FAM168A: variants seen among roughly 807,000 people sequenced by gnomAD.
FAM168A encodes protein FAM168A.
FAM168A carries 3 observed loss-of-function variants against 28.5 expected under a neutral mutation model. That is an observed-to-expected ratio of 0.11 (90% CI 0.05 to 0.27). FAM168A has a LOEUF of 0.27. Ranked by LOEUF, FAM168A falls within the 10% of genes least tolerant of loss-of-function variation. FAM168A has a pLI of 1.00. For missense variants in FAM168A, 222 were observed against 311.5 expected, an observed-to-expected ratio of 0.71 and a Z score of 2.16; for synonymous variants, 122 against 124.2, an observed-to-expected ratio of 0.98 and a Z score of 0.12.
intron 1 of FAM168A, 147 bp from the exon 2 acceptor site, chr11:73,468,639 G>A (rs554175887): frequency 6.4e-6 from 4 of 622,594 alleles, no homozygotes; most frequent in African/African-American, 1.8e-5. Flanking sequence ...CAATTTGCTT[G>A]TAGTTGGCCC....
chr11:73,430,430 G>A (rs1204719268), intron 3 of FAM168A: 2 of 411,434 alleles, frequency 4.9e-6, no homozygotes, highest in Non-Finnish European at 4.5e-6. Flanking sequence ...TCTATGAGGA[G>A]GATGCAGGTC....
At chr11:73,499,760 G>C (rs1198745681) in intron 1 of FAM168A, among the ~76,000 whole-genome samples, 1 of 151,810 alleles carries the variant, frequency 6.6e-6, no homozygotes, top group African/African-American at 2.4e-5. Flanking sequence ...TCAGCCAAGC[G>C]GAAGAAAGGT....
At chr11:73,436,431 C>T (rs1867086929) in intron 2 of FAM168A, among the ~76,000 whole-genome samples, 1 of 151,960 alleles carries the variant, frequency 6.6e-6, no homozygotes. Flanking sequence ...AATACTTAGG[C>T]AATGAAGACA....
chr11:73,573,297 C>T (rs185679050), intron 1 of FAM168A, among the ~76,000 whole-genome samples: 100 of 152,284 alleles, frequency 6.6e-4, no homozygotes, highest in African/African-American at 2.4e-3. Flanking sequence ...ACGGAAGCTA[C>T]AGTTGTTACC....
chr11:73,430,277 GGTGTGTGT>G (rs35239246), intron 3 of FAM168A: 49 of 175,052 alleles, frequency 2.8e-4, no homozygotes, highest in African/African-American at 1.1e-3. Context: ...TGTGTCCCAA[GGTGTGTGT>G]GTGTGTGTGT....
chr11:73,469,353 A>G (rs2134577611), intron 1 of FAM168A, among the ~76,000 whole-genome samples: 1 of 152,314 alleles, frequency 6.6e-6, no homozygotes, highest in East Asian at 1.9e-4. Context: ...TTATTTACAC[A>G]TCATAAAAAT....
intron 3 of FAM168A, 99 bp downstream of exon 3, chr11:73,430,591 C>T: frequency 9.0e-7 from 1 of 1,110,946 alleles, no homozygotes; most frequent in Non-Finnish European, 1.4e-6. Context: ...GCGCCCGGAG[C>T]AATTAAGAAC....
intron 1 of FAM168A, among the ~76,000 whole-genome samples, chr11:73,558,873 T>C (rs1943920878): frequency 6.6e-6 from 1 of 152,222 alleles, no homozygotes; most frequent in Non-Finnish European, 1.5e-5. Flanking sequence ...GTGCAGCCAT[T>C]ATGGAAAAGT....
Position 73,430,619 on chromosome 11 carries a change from TG to T in FAM168A, c.151+70del. The T allele has an allele frequency of 2.2e-6, 3 of 1,386,062 alleles. No individual in the cohort carries two copies. In the South Asian group the frequency reaches 3.5e-5, roughly 16 times the overall value. 85.9% of individuals were successfully genotyped at this position (1,386,062 alleles called of 1,614,324 possible). A position where few individuals can be genotyped will look rare whatever the true frequency, so the allele number is the denominator to read the frequency against. On this transcript the variant is annotated intron_variant, in intron 3 of 7. Transcript: ENST00000356467. ...TTAAGAACAGGAAAAGGCCAGCAAGTGGTTTTGCTTTTCCCAAATAGAGTCC... is the reference window on the plus strand; with the variant it reads ...TTAAGAACAGGAAAAGGCCAGCAAGTGTTTTGCTTTTCCCAAATAGAGTCC...
chr11:73,403,091 A>G lies in FAM168A; in HGVS notation c.*3672T>C, dbSNP rs891990154. 1 of 152,188 alleles carries G rather than the reference A, an allele frequency of 6.6e-6. No individual in the cohort carries two copies. Among genetic ancestry groups the G allele is most frequent in the Admixed American group, 6.5e-5 (1 of 15,282 alleles). 9.4% of individuals were successfully genotyped at this position (152,188 alleles called of 1,614,324 possible). A position where few individuals can be genotyped will look rare whatever the true frequency, so the allele number is the denominator to read the frequency against. On this transcript the variant is annotated 3_prime_UTR_variant, in exon 8 of 8. Transcript: ENST00000356467. ...TATAAAATGGAGGACTTTGGCAACC[A>G]ATGTCAAAGTACTTTGCATACCAAA...
intron 1 of FAM168A, among the ~76,000 whole-genome samples, chr11:73,587,664 A>G (rs1944331537): frequency 6.6e-6 from 1 of 152,214 alleles, no homozygotes; most frequent in African/African-American, 2.4e-5. Context: ...TCTCAAAAAA[A>G]AGTATTAATT....
At chr11:73,584,078 G>GCTT (rs1487017211) in intron 1 of FAM168A, among the ~76,000 whole-genome samples, 1 of 152,108 alleles carries the variant, frequency 6.6e-6, no homozygotes, top group East Asian at 1.9e-4. Flanking sequence ...ACACTCCTTT[G>GCTT]CTTCTGGGGC....
chr11:73,448,550 T>C (rs1044262222), intron 2 of FAM168A, among the ~76,000 whole-genome samples: 3 of 152,214 alleles, frequency 2.0e-5, no homozygotes, highest in Non-Finnish European at 4.4e-5. Context: ...CCTTACCAAA[T>C]GCTTTCACTA....
rs922465173 is a variant in FAM168A, at chr11:73,401,020, G to C, written c.*5743C>G. 1.3e-5 allele frequency: 2 copies of C among 151,756 alleles called. No homozygotes were observed. The highest frequency in any genetic ancestry group is 4.8e-5 in the African/African-American group (2 of 41,430). The allele number at this position is 151,756 out of a possible 1,614,324, so 9.4% of individuals were successfully genotyped here. On this transcript the variant is annotated 3_prime_UTR_variant, in exon 8 of 8. Coordinates refer to ENST00000356467, the MANE Select transcript of FAM168A (RefSeq NM_015159.3). ...CTTTCCAATCTTTACACTCCGGACT[G>C]TGTTTTGAAAACACCTATAAATTCT...
chr11:73,543,980 A>C (rs1243497776), intron 1 of FAM168A, among the ~76,000 whole-genome samples: 2 of 152,118 alleles, frequency 1.3e-5, no homozygotes, highest in African/African-American at 4.8e-5. Flanking sequence ...AAAATAAACA[A>C]AATTAGCTGG....
intron 1 of FAM168A, among the ~76,000 whole-genome samples, chr11:73,518,137 T>C (rs1221535357): frequency 3.3e-5 from 5 of 152,182 alleles, no homozygotes; most frequent in Non-Finnish European, 5.9e-5. Flanking sequence ...CTCCTGACTT[T>C]TACACCGTAG....
chr11:73,431,858 A>G (rs1209148993), intron 2 of FAM168A, among the ~76,000 whole-genome samples: 1 of 152,208 alleles, frequency 6.6e-6, no homozygotes, highest in African/African-American at 2.4e-5. Context: ...ATGTTATGCA[A>G]CTATCATCAC....
chr11:73,587,360 C>T (rs762595054), intron 1 of FAM168A, among the ~76,000 whole-genome samples: 2 of 151,864 alleles, frequency 1.3e-5, no homozygotes, highest in Non-Finnish European at 2.9e-5. Context: ...GGCATGGTTT[C>T]GGGCACCTGT....
chr11:73,568,179 G>A (rs760701531), intron 1 of FAM168A, among the ~76,000 whole-genome samples: 21 of 152,194 alleles, frequency 1.4e-4, no homozygotes, highest in Non-Finnish European at 2.8e-4. Flanking sequence ...ATAAGAGTTG[G>A]ATTGATGTGT....
Sources: gnomAD v4.1 joint callset for allele counts (sites outside exome capture counted in the v4.1 genomes callset) on GRCh38, gnomAD v4.1.1 for gene constraint, MANE v1.5 for transcripts, NCBI Gene and HGNC (gene_info 2026-07-23, HGNC 2026-07-21) for gene names.